Variants in GALNT14 observed in about 807,000 individuals in gnomAD.
GALNT14 encodes the protein polypeptide N-acetylgalactosaminyltransferase 14, also known as UDP-GalNAc:polypeptide N-acetylgalactosaminyltransferase 14.
GALNT14 carries 60 observed loss-of-function variants against 77.5 expected under a neutral mutation model. The ratio of observed to expected loss-of-function variants is 0.77; its 90% CI spans 0.63 to 0.96. GALNT14 has a LOEUF of 0.96. Among genes scored for constraint, GALNT14 ranks in the 40% least tolerant of loss-of-function variants. The pLI is 0.00. For synonymous variants in GALNT14, 280 were observed against 281.7 expected (o/e 0.99, Z 0.06); for missense variants, 710 against 731.0 (o/e 0.97, Z 0.33).
intron 1 of GALNT14, among the ~76,000 whole-genome samples, chr2:30,998,251 C>T (rs957578775): frequency 1.3e-5 from 2 of 152,178 alleles, no homozygotes; most frequent in African/African-American, 2.4e-5. Flanking sequence ...CTCCTCCCAC[C>T]ATGCTTCAAG....
chr2:30,909,670 G>C (rs1664250670), downstream of GALNT14, among the ~76,000 whole-genome samples: 1 of 151,930 alleles, frequency 6.6e-6, no homozygotes, highest in African/African-American at 2.4e-5. Context: ...CAGGGATCTA[G>C]AACTGGAAAT....
At chr2:30,916,163 T>C (rs1367216783) in intron 13 of GALNT14, among the ~76,000 whole-genome samples, 1 of 152,186 alleles carries the variant, frequency 6.6e-6, no homozygotes, top group Non-Finnish European at 1.5e-5. Context: ...GACTCAGACC[T>C]TAGTTATAGA....
chr2:30,983,729 C>T (rs577117132), intron 2 of GALNT14, among the ~76,000 whole-genome samples: 1 of 141,888 alleles, frequency 7.0e-6, no homozygotes. Context: ...AATTAGGAAA[C>T]CCAGAATCCT....
At chr2:31,088,671 G>A (rs1676579011) in intron 1 of GALNT14, among the ~76,000 whole-genome samples, 1 of 152,200 alleles carries the variant, frequency 6.6e-6, no homozygotes, top group Non-Finnish European at 1.5e-5. Context: ...CAGAATTATT[G>A]TGGATAAAGG....
intron 1 of GALNT14, among the ~76,000 whole-genome samples, chr2:31,122,537 A>G (rs1049252801): frequency 6.6e-6 from 1 of 152,218 alleles, no homozygotes; most frequent in Non-Finnish European, 1.5e-5. Flanking sequence ...CACACAGATC[A>G]CCTGGGGATC....
At chr2:31,099,192 T>C (rs1042860604) in intron 1 of GALNT14, among the ~76,000 whole-genome samples, 1 of 152,096 alleles carries the variant, frequency 6.6e-6, no homozygotes, top group Non-Finnish European at 1.5e-5. Context: ...TAGCTTTGAG[T>C]TTTGATGAGG....
At chr2:31,050,449 A>T (rs1673778934) in intron 1 of GALNT14, among the ~76,000 whole-genome samples, 1 of 151,928 alleles carries the variant, frequency 6.6e-6, no homozygotes, top group African/African-American at 2.4e-5. Context: ...TGGAGGGAGG[A>T]CTAAAAAGGG....
At position 31,098,449 on chromosome 2, in the gene GALNT14, C is replaced by T. The variant is rs1677101215; in HGVS notation, c.129+39509G>A. 2.6e-5 allele frequency among the ~76,000 whole-genome samples: 4 copies of T among 152,152 alleles called. 1 individual carries two copies. Among genetic ancestry groups the T allele is most frequent in the Admixed American group, 1.3e-4 (2 of 15,260 alleles). On this transcript the variant is annotated intron_variant, in intron 1 of 14. Transcript: ENST00000349752. ...TCAGAATCCTATTAATATAATAATC[C>T]CTTTAAAAAATACATTTATGTGGTT...
In GALNT14 at chr2:30,944,883, G is replaced by T; in HGVS notation, c.802C>A (p.Arg268Ser). ...EQLSPEQKAR[R>S]LDPTEPIRTP... ...CTGATGGGCTCCGTGGGGTCCAGGCGCCGAGCCTTCTGCTCTGGGGAGAGC... is the reference window on the plus strand; with the variant it reads ...CTGATGGGCTCCGTGGGGTCCAGGCTCCGAGCCTTCTGCTCTGGGGAGAGC... The change falls in exon 8 of 15, where the codon CGC becomes AGC. Residue 268 changes from arginine (R) to serine (S), a missense_variant. By Grantham distance (110) the Arg-to-Ser change is moderately radical. Transcript: ENST00000349752. The T allele has an allele frequency of 6.2e-7, 1 of 1,610,044 alleles. No homozygotes were observed. The highest frequency in any genetic ancestry group is 8.5e-7 in the Non-Finnish European group (1 of 1,177,350).
chr2:30,912,228 G>A lies in GALNT14; in HGVS notation c.1495C>T (p.Arg499Ter), dbSNP rs35447902. 2.0e-5 allele frequency: 33 copies of A among 1,613,896 alleles called. No homozygotes were observed. Among genetic ancestry groups the A allele is most frequent in the African/African-American group, 6.7e-5 (5 of 74,894 alleles). The change falls in exon 14 of 15, where the codon CGA becomes TGA. Residue 499 changes from arginine (R) to a stop codon, truncating the protein, a stop_gained. Transcript: ENST00000349752. LOFTEE classifies it high-confidence loss of function. ...GGGACCTGCTGAGCACTTACCTGTCGGTCATCTCCATTCTTGCAAAGGACA... is the reference window on the plus strand; with the variant it reads ...GGGACCTGCTGAGCACTTACCTGTCAGTCATCTCCATTCTTGCAAAGGACA... ...VLVLCKNGDD[R>*]QQWTKTGSHI...
intron 6 of GALNT14, among the ~76,000 whole-genome samples, chr2:30,954,614 T>A (rs992850912): frequency 7.9e-5 from 12 of 152,182 alleles, no homozygotes; most frequent in African/African-American, 2.7e-4. Flanking sequence ...GAATGAACAA[T>A]GTTGGGAAGG....
At chr2:31,090,306 G>C (rs1358783412) in intron 1 of GALNT14, among the ~76,000 whole-genome samples, 2 of 152,088 alleles carry the variant, frequency 1.3e-5, no homozygotes, top group Non-Finnish European at 2.9e-5. Flanking sequence ...ACTGCACTCA[G>C]AGCTCCCTGG....
intron 10 of GALNT14, among the ~76,000 whole-genome samples, 160 bp downstream of exon 10, chr2:30,931,908 T>C (rs543430741): frequency 2.0e-5 from 3 of 151,984 alleles, no homozygotes; most frequent in Admixed American, 2.0e-4. Context: ...GCCTTCCCTA[T>C]CCAAGCAGAG....
chr2:31,015,407 T>A (rs568162042), intron 1 of GALNT14, among the ~76,000 whole-genome samples: 1 of 152,036 alleles, frequency 6.6e-6, no homozygotes, highest in East Asian at 1.9e-4. Flanking sequence ...GACAGGAGAA[T>A]TGCAGAAAGA....
chr2:31,049,101 T>C (rs1444242754), intron 1 of GALNT14, among the ~76,000 whole-genome samples: 1 of 152,196 alleles, frequency 6.6e-6, no homozygotes, highest in Non-Finnish European at 1.5e-5. Context: ...ATATTTCATC[T>C]AGCGATTCTC....
At chr2:31,033,733 C>T (rs899593818) in intron 1 of GALNT14, among the ~76,000 whole-genome samples, 7 of 152,112 alleles carry the variant, frequency 4.6e-5, no homozygotes, top group African/African-American at 1.7e-4. Context: ...CAGCCCATTC[C>T]AGCTTCCTCT....
chr2:31,079,061 T>G, intron 1 of GALNT14: 1 of 1,259,230 alleles, frequency 7.9e-7, no homozygotes. Flanking sequence ...CAAACTGTTT[T>G]CAATTCTAGA....
chr2:30,893,342 T>C, the GALNT14 span, among the ~76,000 whole-genome samples: 1 of 152,012 alleles, frequency 6.6e-6, no homozygotes, highest in South Asian at 2.1e-4. Flanking sequence ...TGTTGGAAAA[T>C]TTGGAGAAAA....
intron 1 of GALNT14, among the ~76,000 whole-genome samples, chr2:31,084,367 A>T (rs1032042535): frequency 6.6e-6 from 1 of 152,198 alleles, no homozygotes; most frequent in Non-Finnish European, 1.5e-5. Flanking sequence ...TACTGGGAAC[A>T]TGTACTGAAC....
Sources: allele counts gnomAD v4.1 joint callset (sites outside exome capture counted in the v4.1 genomes callset), GRCh38; gene constraint gnomAD v4.1.1; transcripts MANE v1.5; gene names NCBI Gene and HGNC (gene_info 2026-07-23, HGNC 2026-07-21).